RANBP2: variants seen among roughly 807,000 people sequenced by gnomAD.
The protein encoded by RANBP2 is E3 SUMO-protein ligase RanBP2.
RANBP2 carries 57 observed loss-of-function variants against 303.6 expected under a neutral mutation model. That is an observed-to-expected ratio of 0.19 (90% CI 0.15 to 0.23). The LOEUF (loss-of-function observed/expected upper bound fraction) is 0.23, where lower values mean the gene tolerates loss of function less well. RANBP2 is among the 10% of genes least tolerant of loss of function. The pLI is 1.00. For synonymous variants in RANBP2, 1,167 were observed against 1,301.5 expected (o/e 0.90, Z 2.23); for missense variants, 3,138 against 3,780.8 (o/e 0.83, Z 4.46).
At chr2:109,408,160 A>T in the RANBP2 span, among the ~76,000 whole-genome samples, 7 of 152,054 alleles carry the variant, frequency 4.6e-5, no homozygotes, top group Admixed American at 3.9e-4. Flanking sequence ...GGATCCACAG[A>T]GGGTTGTTCA....
chr2:109,391,263 A>T, the RANBP2 span, among the ~76,000 whole-genome samples: 1 of 152,232 alleles, frequency 6.6e-6, no homozygotes, highest in African/African-American at 2.4e-5. Context: ...TCAGCTTGCC[A>T]GCCCATTGGG....
chr2:109,614,386 C>T, the RANBP2 span: 3 of 933,870 alleles, frequency 3.2e-6, no homozygotes, highest in Non-Finnish European at 4.1e-6. Context: ...TGGCAGCCCG[C>T]TGAGCCCGCC....
the RANBP2 span, among the ~76,000 whole-genome samples, chr2:109,123,950 C>G: frequency 1.3e-5 from 2 of 152,066 alleles, no homozygotes; most frequent in Non-Finnish European, 2.9e-5. Context: ...TAGCACTGGA[C>G]TCTCTACTCC....
the RANBP2 span, among the ~76,000 whole-genome samples, chr2:108,908,857 C>A: frequency 6.6e-6 from 1 of 152,036 alleles, no homozygotes; most frequent in Non-Finnish European, 1.5e-5. Flanking sequence ...CAAACACAAC[C>A]CTAGAGACAG....
the RANBP2 span, among the ~76,000 whole-genome samples, chr2:108,812,383 G>A: frequency 1.3e-5 from 2 of 152,118 alleles, no homozygotes; most frequent in Non-Finnish European, 1.5e-5. Flanking sequence ...TAAAATATAT[G>A]TATATGCTTT....
At chr2:109,077,287 C>A in the RANBP2 span, among the ~76,000 whole-genome samples, 4 of 150,452 alleles carry the variant, frequency 2.7e-5, no homozygotes, top group Non-Finnish European at 5.9e-5. Flanking sequence ...AACTCCTACA[C>A]GGAAACATAG....
the RANBP2 span, among the ~76,000 whole-genome samples, chr2:109,139,567 T>A: frequency 6.6e-6 from 1 of 152,216 alleles, no homozygotes; most frequent in Non-Finnish European, 1.5e-5. Context: ...TAAAAATTAA[T>A]TTAAAAATGT....
the RANBP2 span, among the ~76,000 whole-genome samples, chr2:109,364,234 CAGAG>C: frequency 1.3e-5 from 2 of 151,258 alleles, no homozygotes; most frequent in Non-Finnish European, 2.9e-5. Context: ...TCCTCAAGCT[CAGAG>C]AGTCTTTCCT....
At chr2:108,723,897 ATT>A in intron 1 of RANBP2, among the ~76,000 whole-genome samples, 1 of 69,528 alleles carries the variant, frequency 1.4e-5, no homozygotes, top group Non-Finnish European at 2.5e-5. Flanking sequence ...TAAAACATTG[ATT>A]GATTGATTGA....
At chr2:109,172,334 C>A in the RANBP2 span, among the ~76,000 whole-genome samples, 1 of 152,252 alleles carries the variant, frequency 6.6e-6, no homozygotes, top group Non-Finnish European at 1.5e-5. Flanking sequence ...TGGAAATGCG[C>A]GAGCCAGCGG....
the RANBP2 span, among the ~76,000 whole-genome samples, chr2:109,571,112 C>CAA: frequency 2.0e-5 from 3 of 152,134 alleles, no homozygotes; most frequent in African/African-American, 7.2e-5. Context: ...TCCTCCTTCT[C>CAA]AGGTCATATA....
At chr2:109,449,557 G>C in the RANBP2 span, 1 of 1,537,596 alleles carries the variant, frequency 6.5e-7, no homozygotes, top group South Asian at 1.3e-5. Context: ...TTTGGCACTA[G>C]ATGGCAGTGG....
At chr2:109,726,417 C>A in the RANBP2 span, among the ~76,000 whole-genome samples, 2 of 151,866 alleles carry the variant, frequency 1.3e-5, no homozygotes, top group African/African-American at 4.8e-5. Context: ...TCAATAAAAA[C>A]CCCCCAAAAA....
At chr2:109,376,418 A>T in the RANBP2 span, among the ~76,000 whole-genome samples, 9 of 152,206 alleles carry the variant, frequency 5.9e-5, no homozygotes, top group African/African-American at 2.2e-4. Flanking sequence ...CTGGCTGCTC[A>T]CACAGAGCCT....
At chr2:109,240,882 CTCTCTCTCTG>C in the RANBP2 span, among the ~76,000 whole-genome samples, 1 of 143,970 alleles carries the variant, frequency 6.9e-6, no homozygotes, top group Non-Finnish European at 1.5e-5. Context: ...GATTCCATCT[CTCTCTCTCTG>C]TCTCTCTGTC....
chr2:108,750,619 G>A (rs866847946), intron 9 of RANBP2, among the ~76,000 whole-genome samples: 33 of 125,432 alleles, frequency 2.6e-4, no homozygotes, highest in Non-Finnish European at 1.7e-4. Flanking sequence ...ACAGAGTCTC[G>A]CTCTGTCACC....
the RANBP2 span, among the ~76,000 whole-genome samples, chr2:109,739,363 A>G: frequency 1.3e-5 from 2 of 149,128 alleles, no homozygotes; most frequent in African/African-American, 5.0e-5. Context: ...TAATTCTTCT[A>G]ATCCATAAAT....
chr2:109,367,419 C>T, the RANBP2 span, among the ~76,000 whole-genome samples: 3 of 152,098 alleles, frequency 2.0e-5, no homozygotes, highest in South Asian at 2.1e-4. Flanking sequence ...GTAGCTGGGA[C>T]TACAGGCACA....
chr2:109,071,659 G>C, the RANBP2 span, among the ~76,000 whole-genome samples: 7 of 145,606 alleles, frequency 4.8e-5, no homozygotes, highest in Non-Finnish European at 1.5e-5. Flanking sequence ...GGGTGACAAA[G>C]CAAGACTCTA....
Sources: gnomAD v4.1 joint callset for allele counts (sites outside exome capture counted in the v4.1 genomes callset) on GRCh38, gnomAD v4.1.1 for gene constraint, MANE v1.5 for transcripts, NCBI Gene and HGNC (gene_info 2026-07-23, HGNC 2026-07-21) for gene names.